Variants in TAS1R2 observed in about 807,000 individuals in gnomAD.
The protein encoded by TAS1R2 is taste 1 receptor member 2, also known as taste receptor type 1 member 2.
In TAS1R2, 47 loss-of-function variants were observed where a neutral mutation model predicts 49.3. The observed-to-expected ratio is 0.95, with a 90% CI of 0.75 to 1.22. The LOEUF (loss-of-function observed/expected upper bound fraction) is 1.22, where lower values mean the gene tolerates loss of function less well. TAS1R2 is among the 50% of genes most tolerant of loss of function. The pLI, the probability that TAS1R2 is intolerant of heterozygous loss-of-function variation, is 0.00. For synonymous variants in TAS1R2, 479 were observed against 467.9 expected, an observed-to-expected ratio of 1.02 and a Z score of -0.31; for missense variants, 1,155 against 1,122.1, an observed-to-expected ratio of 1.03 and a Z score of -0.42.
At chr1:18,845,459 G>T (rs1437161769) in intron 4 of TAS1R2, among the ~76,000 whole-genome samples, 1 of 152,154 alleles carries the variant, frequency 6.6e-6, no homozygotes, top group East Asian at 1.9e-4. Context: ...TTATTCTCAG[G>T]AACCCATTGC....
chr1:18,844,016 C>T (rs894589715), intron 4 of TAS1R2, among the ~76,000 whole-genome samples: 2 of 152,150 alleles, frequency 1.3e-5, no homozygotes, highest in Non-Finnish European at 2.9e-5. Context: ...TTCTTTATGA[C>T]AAATAAATAG....
At chr1:18,849,312 C>T in intron 4 of TAS1R2, 29 bp downstream of exon 4, 2 of 1,612,048 alleles carry the variant, frequency 1.2e-6, no homozygotes, top group African/African-American at 1.3e-5. Context: ...CGCCCCAGGC[C>T]TGCCCACCCA....
chr1:18,840,402 C>A lies in TAS1R2; in HGVS notation c.1717G>T (p.Ala573Ser). The A allele has an allele frequency of 1.9e-6, 3 of 1,614,128 alleles. No individual in the cohort carries two copies. The South Asian group carries it at 3.3e-5, about 18-fold the overall frequency. ...AGGGTGCTGAGGAAGCCCAGGGCGG[C>A]CAGCAGGGCCACAGCGATGGTGGGT... is the stretch of plus-strand genomic sequence containing the variant. Residue 573 changes from alanine to serine, a missense_variant, in exon 6 of 6, where the codon GCC becomes TCC. Coordinates refer to ENST00000375371, the Ensembl canonical transcript of TAS1R2.
chr1:18,854,411 G>A lies in TAS1R2; in HGVS notation c.1059C>T (p.Thr353=), dbSNP rs1328570541. Reference sequence around the variant, plus strand: ...CCTGGTTGCAGGTATAGCTCTGGCTGGTCCTGCTGAGGGGTGGCGGCCCAG... The same window carrying A: ...CCTGGTTGCAGGTATAGCTCTGGCTAGTCCTGCTGAGGGGTGGCGGCCCAG... The change falls in exon 3 of 6, where the codon ACC becomes ACT. Residue 353 remains threonine (T), a synonymous_variant. Coordinates refer to ENST00000375371, the Ensembl canonical transcript of TAS1R2. This position sits in a 1 kb window ranked among gnomAD's most constrained non-coding sequence, Gnocchi z 4.9. 6.2e-7 allele frequency: 1 copy of A among 1,613,896 alleles called. No homozygotes were observed. Among genetic ancestry groups the A allele is most frequent in the African/African-American group, 1.3e-5 (1 of 74,942 alleles).
chr1:18,852,178 A>G (rs1281468605), intron 3 of TAS1R2, among the ~76,000 whole-genome samples: 2 of 152,182 alleles, frequency 1.3e-5, no homozygotes, highest in Admixed American at 6.5e-5. Flanking sequence ...AAGGATATCA[A>G]CACAATCACA....
At position 18,841,622 on chromosome 1, in the gene TAS1R2, T is replaced by C. The variant is rs72948188; in HGVS notation, c.1591+107A>G. 3.9e-4 allele frequency: 570 copies of C among 1,457,106 alleles called. 1 individual carries two copies. In the African/African-American group the frequency reaches 7.6e-3, roughly 19 times the overall value. The allele number at this position is 1,457,106 out of a possible 1,614,324, so 90.3% of individuals were successfully genotyped here. On this transcript the variant is annotated intron_variant, in intron 5 of 5. Transcript: ENST00000375371. ...GGCCTTTGGACACTCACACCCCCTGTGGGGTACTCCAGAGACCCTGCCAAG... is the reference window on the plus strand; with the variant it reads ...GGCCTTTGGACACTCACACCCCCTGCGGGGTACTCCAGAGACCCTGCCAAG...
chr1:18,854,810 G>T lies in TAS1R2; in HGVS notation c.660C>A (p.Gly220=), dbSNP rs1411314718. The T allele has an allele frequency of 1.9e-6, 3 of 1,606,604 alleles. No homozygotes were observed. The highest frequency in any genetic ancestry group is 2.5e-6 in the Non-Finnish European group (3 of 1,179,068). The change falls in exon 3 of 6, where the codon GGC becomes GGA. Residue 220 remains glycine, a synonymous_variant. Transcript: ENST00000375371. This position sits in a 1 kb window ranked among gnomAD's most constrained non-coding sequence, Gnocchi z 4.9. ...GGGCCACGCGCTCGCCAAGCAGCTG[G>T]CCATTGTCGCGGCCATAGGTGTCGC... is the stretch of plus-strand genomic sequence containing the variant.
Position 18,854,444 on chromosome 1 carries a change from G to T in TAS1R2, c.1026C>A (p.Gly342=), listed in dbSNP as rs1057337109. The T allele has an allele frequency of 3.7e-6, 6 of 1,614,172 alleles. No individual in the cohort carries two copies. Among genetic ancestry groups the T allele is most frequent in the Non-Finnish European group, 4.2e-6 (5 of 1,180,020 alleles). Residue 342 remains glycine (G), a synonymous_variant, in exon 3 of 6, where the codon GGC becomes GGA. Coordinates refer to ENST00000375371, the Ensembl canonical transcript of TAS1R2. This position sits in a 1 kb window ranked among gnomAD's most constrained non-coding sequence, Gnocchi z 4.9. ...TGAGGGGTGGCGGCCCAGCCTGTGG[G>T]CCCCACTCGCGGAACTCACTGAAGC...
chr1:18,858,530 CA>C (rs1271298081), intron 1 of TAS1R2: 2 of 152,400 alleles, frequency 1.3e-5, no homozygotes. Context: ...CCATCACTGC[CA>C]ACACTATTAC....
intron 4 of TAS1R2, among the ~76,000 whole-genome samples, chr1:18,847,339 C>G (rs1162898119): frequency 3.9e-5 from 6 of 152,310 alleles, no homozygotes; most frequent in East Asian, 3.9e-4. Context: ...GGCTCCAGAA[C>G]AGTGAGACAA....
chr1:18,845,466 T>C (rs530769632), intron 4 of TAS1R2, among the ~76,000 whole-genome samples: 56 of 152,324 alleles, frequency 3.7e-4, no homozygotes, highest in African/African-American at 1.3e-3. Flanking sequence ...CAGGAACCCA[T>C]TGCAGCATTG....
chr1:18,859,519 T>C (rs1934202163), exon 1 of TAS1R2: 3 of 1,613,982 alleles, frequency 1.9e-6, no homozygotes, highest in African/African-American at 2.7e-5. Flanking sequence ...AGGTGAACAA[T>C]GCCCTTCATG....
chr1:18,848,440 T>C (rs1339143379), intron 4 of TAS1R2, among the ~76,000 whole-genome samples: 1 of 151,862 alleles, frequency 6.6e-6, no homozygotes, highest in Admixed American at 6.6e-5. Flanking sequence ...TCCCAATCAG[T>C]GGGGGAAGGA....
rs1207132951 is a variant in TAS1R2, at chr1:18,839,763, C to T, written c.2356G>A (p.Val786Met). 2.5e-6 allele frequency: 4 copies of T among 1,614,104 alleles called. No individual in the cohort carries two copies. The African/African-American group carries it at 5.3e-5, about 22-fold the overall frequency. Residue 786 changes from valine to methionine, a missense_variant, in exon 6 of 6, where the codon GTG becomes ATG. Coordinates refer to ENST00000375371, the Ensembl canonical transcript of TAS1R2. ...AAGAGGTCCACGATGGTGACCAGCA[C>T]CCCGCTGTAGGCAGACATGAAGGTG...
At position 18,841,728 on chromosome 1, in the gene TAS1R2, C is replaced by T. The variant is rs761814490; in HGVS notation, c.1591+1G>A. 2.1e-5 allele frequency: 34 copies of T among 1,612,938 alleles called. No homozygotes were observed. Among genetic ancestry groups the T allele is most frequent in the Non-Finnish European group, 2.7e-5 (32 of 1,179,188 alleles). Reference sequence around the variant, plus strand: ...AGGAGTGCTAGGCCTGTGAATCATACCTTCAGTGTGGTTGAGGAAGGTGCC... The same window carrying T: ...AGGAGTGCTAGGCCTGTGAATCATATCTTCAGTGTGGTTGAGGAAGGTGCC... On this transcript the variant is annotated splice_donor_variant, in intron 5 of 5. Coordinates refer to ENST00000375371, the Ensembl canonical transcript of TAS1R2. LOFTEE classifies it high-confidence loss of function.
chr1:18,839,980 G>A (rs1376088458), exon 6 of TAS1R2: 7 of 1,614,190 alleles, frequency 4.3e-6, no homozygotes, highest in Non-Finnish European at 5.9e-6. Context: ...TTGTGATCTT[G>A]GGGTCATCGG....
exon 5 of TAS1R2, chr1:18,841,794 C>T: frequency 6.2e-7 from 1 of 1,613,926 alleles, no homozygotes; most frequent in Non-Finnish European, 8.5e-7. Context: ...GACGTGGATG[C>T]CCACAGGCTT....
At position 18,855,211 on chromosome 1, in the gene TAS1R2, C is replaced by T. The variant is rs186355813; in HGVS notation, c.484-225G>A. 1.4e-4 allele frequency among the ~76,000 whole-genome samples: 21 copies of T among 152,178 alleles called. No individual in the cohort carries two copies. In the East Asian group the frequency reaches 2.9e-3, roughly 21 times the overall value. ...CAGGTGCCTTATCTCAGTCTTATCACGATTATTGAGCACCTACTGTGTACC... is the reference window on the plus strand; with the variant it reads ...CAGGTGCCTTATCTCAGTCTTATCATGATTATTGAGCACCTACTGTGTACC... On this transcript the variant is annotated intron_variant, in intron 2 of 5. Coordinates refer to ENST00000375371, the Ensembl canonical transcript of TAS1R2.
At chr1:18,845,243 C>T (rs1338136697) in intron 4 of TAS1R2, among the ~76,000 whole-genome samples, 1 of 152,152 alleles carries the variant, frequency 6.6e-6, no homozygotes, top group Non-Finnish European at 1.5e-5. Flanking sequence ...TAACATATAC[C>T]ACATTACCCA....
Sources: allele counts gnomAD v4.1 joint callset (sites outside exome capture counted in the v4.1 genomes callset), GRCh38; gene constraint gnomAD v4.1.1; non-coding constraint Gnocchi (gnomAD v3.1); transcripts MANE v1.5; gene names NCBI Gene and HGNC (gene_info 2026-07-23, HGNC 2026-07-21).